The following BCAR3 variants were observed in gnomAD, a reference collection of about 807,000 sequenced individuals.
BCAR3 encodes breast cancer anti-estrogen resistance protein 3.
In BCAR3, 37 loss-of-function variants were observed where a neutral mutation model predicts 80.1. The ratio of observed to expected loss-of-function variants is 0.46; its 90% CI spans 0.36 to 0.61. BCAR3 has a LOEUF of 0.61. BCAR3 is among the 20% of genes least tolerant of loss of function. BCAR3 has a pLI of 0.00. For synonymous variants in BCAR3, 389 were observed against 418.9 expected (o/e 0.93, Z 0.87); for missense variants, 978 against 1,068.2 (o/e 0.92, Z 1.18).
intron 8 of BCAR3, among the ~76,000 whole-genome samples, chr1:93,574,762 C>T (rs1311426476): frequency 6.6e-6 from 1 of 152,168 alleles, no homozygotes; most frequent in Non-Finnish European, 1.5e-5. Context: ...AAAAAGGGGA[C>T]ACCCGGAGAG....
chr1:93,584,120 T>C lies in BCAR3; in HGVS notation c.931A>G (p.Asn311Asp). Residue 311 changes from asparagine (N) to aspartate (D), a missense_variant and splice_region_variant, in exon 6 of 12, where the codon AAC becomes GAC. Asn to Asp is a conservative substitution (Grantham distance 23). Coordinates refer to ENST00000260502, the MANE Select transcript of BCAR3 (RefSeq NM_003567.4). ...GGCTGGCTACCACTCTTTTCTTTGT[T>C]TCTGAAGTAAAAGACACATAGGATG... ...QNLPRGNLLR[N>D]KEKSGSQPAC... The C allele has an allele frequency of 1.2e-6, 2 of 1,613,878 alleles. No homozygotes were observed. Among genetic ancestry groups the C allele is most frequent in the Non-Finnish European group, 1.7e-6 (2 of 1,179,812 alleles).
chr1:93,803,919 G>A (rs1375097427), intron 2 of BCAR3, among the ~76,000 whole-genome samples: 1 of 152,222 alleles, frequency 6.6e-6, no homozygotes, highest in Non-Finnish European at 1.5e-5. Context: ...AAAGTTTAAT[G>A]CATATGTAGG....
chr1:93,832,446 C>A lies in BCAR3; in HGVS notation c.-63+13121G>T, dbSNP rs572472298. Among the ~76,000 whole-genome samples, 15 of 152,328 alleles carry A rather than the reference C, an allele frequency of 9.8e-5. No individual in the cohort carries two copies. The South Asian group carries it at 2.9e-3, about 29-fold the overall frequency. On this transcript the variant is annotated intron_variant, in intron 2 of 13. Transcript: ENST00000370244. ...CTGCAAATCAGACTGTCCAACCTGG[C>A]AGCCACTCCTAGAGCTCCTGGAACT...
chr1:93,571,402 G>A (rs1341881335), intron 9 of BCAR3: 1 of 402,738 alleles, frequency 2.5e-6, no homozygotes, highest in Non-Finnish European at 4.7e-6. Flanking sequence ...TGAGGCTGAG[G>A]CATGAGAATC....
intron 2 of BCAR3, among the ~76,000 whole-genome samples, chr1:93,722,824 G>C (rs1472017189): frequency 6.6e-6 from 1 of 152,138 alleles, no homozygotes; most frequent in East Asian, 1.9e-4. Context: ...CTCTTTGCAG[G>C]AGCCAAGGGG....
At chr1:93,583,095 T>C (rs1354666315) in intron 6 of BCAR3, 142 bp from the exon 7 acceptor site, 4 of 1,045,954 alleles carry the variant, frequency 3.8e-6, no homozygotes, top group Non-Finnish European at 5.4e-6. Context: ...GAAAATTCAG[T>C]GTGACTGTCC....
chr1:93,797,649 C>T (rs1653327093), intron 2 of BCAR3, among the ~76,000 whole-genome samples: 1 of 152,002 alleles, frequency 6.6e-6, no homozygotes, highest in African/African-American at 2.4e-5. Context: ...CGATAATTTT[C>T]TAGCTGGGTT....
intron 2 of BCAR3, among the ~76,000 whole-genome samples, chr1:93,727,542 A>C (rs188394627): frequency 6.6e-6 from 1 of 152,318 alleles, no homozygotes; most frequent in East Asian, 1.9e-4. Flanking sequence ...CCTTCAGCCT[A>C]TCTGTGGCCA....
chr1:93,702,219 C>T (rs192406174), intron 3 of BCAR3, among the ~76,000 whole-genome samples: 12 of 152,244 alleles, frequency 7.9e-5, no homozygotes, highest in Non-Finnish European at 7.4e-5. Context: ...CCCATGAATA[C>T]GCCCTGTACC....
intron 3 of BCAR3, chr1:93,602,442 A>G (rs1052184621): frequency 6.7e-6 from 1 of 149,884 alleles, no homozygotes; most frequent in East Asian, 1.9e-4. Context: ...ACTGCCCCCA[A>G]TAATGTTGTA....
chr1:93,612,247 C>A (rs1674972813), intron 3 of BCAR3, among the ~76,000 whole-genome samples: 1 of 152,054 alleles, frequency 6.6e-6, no homozygotes, highest in Non-Finnish European at 1.5e-5. Context: ...CAGCTCAGGC[C>A]TTCTCTCTGT....
At chr1:93,761,774 A>G (rs962055441) in intron 2 of BCAR3, among the ~76,000 whole-genome samples, 3 of 152,208 alleles carry the variant, frequency 2.0e-5, no homozygotes, top group Admixed American at 1.3e-4. Context: ...TTAATTCCAA[A>G]GAAATTCAAT....
chr1:93,678,395 G>T lies in BCAR3; in HGVS notation c.-12+3203C>A, dbSNP rs1223890427. Among the ~76,000 whole-genome samples the T allele has an allele frequency of 2.6e-5, 4 of 152,310 alleles. No homozygotes were observed. The East Asian group carries it at 7.7e-4, about 29-fold the overall frequency. On this transcript the variant is annotated intron_variant, in intron 1 of 11. Transcript: ENST00000260502. ...GGCACTATGCTAGGTGTTGGGGACAGCATTAAACAAGACAGAAGTGGTCTG... is the reference window on the plus strand; with the variant it reads ...GGCACTATGCTAGGTGTTGGGGACATCATTAAACAAGACAGAAGTGGTCTG...
At chr1:93,834,828 T>C (rs4394664) in intron 2 of BCAR3, among the ~76,000 whole-genome samples, 19,781 of 152,222 alleles carry the variant, frequency 0.13, 1,972 homozygotes, top group African/African-American at 0.27. Context: ...GTTCCTGGCC[T>C]GGACTTCAAT....
intron 3 of BCAR3, among the ~76,000 whole-genome samples, chr1:93,626,354 A>G (rs1476370339): frequency 6.6e-6 from 1 of 152,238 alleles, no homozygotes; most frequent in Non-Finnish European, 1.5e-5. Context: ...TAGATAAACA[A>G]GAGGGGATTA....
At chr1:93,639,162 C>T (rs777379827) in intron 3 of BCAR3, among the ~76,000 whole-genome samples, 30 of 152,132 alleles carry the variant, frequency 2.0e-4, no homozygotes, top group Non-Finnish European at 3.5e-4. Context: ...GATGAACGAC[C>T]GGTAGCTAAG....
At chr1:93,717,823 T>C (rs879782697) in intron 2 of BCAR3, among the ~76,000 whole-genome samples, 1 of 152,162 alleles carries the variant, frequency 6.6e-6, no homozygotes, top group Non-Finnish European at 1.5e-5. Context: ...TTATTGGGGC[T>C]GCTCATTGTG....
intron 8 of BCAR3, among the ~76,000 whole-genome samples, chr1:93,573,504 A>G (rs977469705): frequency 2.0e-5 from 3 of 151,094 alleles, no homozygotes; most frequent in Non-Finnish European, 2.9e-5. Context: ...ATCTTGGTCC[A>G]TTTTCCCTCT....
At chr1:93,697,364 C>T (rs960153596) in intron 3 of BCAR3, among the ~76,000 whole-genome samples, 1 of 152,234 alleles carries the variant, frequency 6.6e-6, no homozygotes, top group Non-Finnish European at 1.5e-5. Context: ...ACCTGCCCAC[C>T]TCAGGCATCC....
Sources: allele counts gnomAD v4.1 joint callset (sites outside exome capture counted in the v4.1 genomes callset), GRCh38; gene constraint gnomAD v4.1.1; transcripts MANE v1.5; gene names NCBI Gene and HGNC (gene_info 2026-07-23, HGNC 2026-07-21).